The following SLC24A2 variants were observed in gnomAD, a reference collection of about 807,000 sequenced individuals.
SLC24A2 encodes sodium/potassium/calcium exchanger 2.
Under a neutral mutation model 62.0 loss-of-function variants are expected in SLC24A2, and 36 were observed. The observed-to-expected ratio is 0.58, with a 90% CI of 0.44 to 0.77. SLC24A2 has a LOEUF of 0.77. Ranked by LOEUF, SLC24A2 falls within the 30% of genes least tolerant of loss-of-function variation. The pLI is 0.00. For synonymous variants in SLC24A2, 358 were observed against 294.0 expected, an observed-to-expected ratio of 1.22 and a Z score of -2.23; for missense variants, 846 against 817.9, an observed-to-expected ratio of 1.03 and a Z score of -0.42.
chr9:20,192,139 G>C, the SLC24A2 span, among the ~76,000 whole-genome samples: 2 of 152,288 alleles, frequency 1.3e-5, no homozygotes, highest in Non-Finnish European at 2.9e-5. Context: ...AGCAGGATTA[G>C]GTGGTTGAAG....
chr9:19,631,115 G>T (rs1013903637), intron 2 of SLC24A2, among the ~76,000 whole-genome samples: 1 of 152,154 alleles, frequency 6.6e-6, no homozygotes, highest in Non-Finnish European at 1.5e-5. Flanking sequence ...CAGAGACCAT[G>T]TCTATTTCAT....
chr9:19,987,227 G>A, the SLC24A2 span, among the ~76,000 whole-genome samples: 6 of 151,996 alleles, frequency 3.9e-5, no homozygotes, highest in African/African-American at 1.4e-4. Flanking sequence ...GGAGGTGTGC[G>A]GGTAGAGAGG....
At chr9:19,703,039 A>T (rs902861959) in intron 2 of SLC24A2, among the ~76,000 whole-genome samples, 1 of 152,292 alleles carries the variant, frequency 6.6e-6, no homozygotes, top group African/African-American at 2.4e-5. Context: ...TTGTTGGGTA[A>T]AAGTTCCTGA....
intron 7 of SLC24A2, among the ~76,000 whole-genome samples, chr9:19,567,564 A>AAT (rs1835706791): frequency 7.5e-5 from 1 of 13,372 alleles, no homozygotes. Context: ...AAAAAAAAAA[A>AAT]GGTAAGGAAT....
At chr9:19,767,635 C>CTGTCT (rs1822559668) in intron 2 of SLC24A2, among the ~76,000 whole-genome samples, 1 of 152,186 alleles carries the variant, frequency 6.6e-6, no homozygotes, top group African/African-American at 2.4e-5. Flanking sequence ...GCTGCATGCA[C>CTGTCT]TGTCTAACCA....
At chr9:20,020,512 G>A in the SLC24A2 span, among the ~76,000 whole-genome samples, 3 of 152,108 alleles carry the variant, frequency 2.0e-5, no homozygotes, top group Admixed American at 6.5e-5. Context: ...ATAAGTGGGA[G>A]TGGAACAATG....
intron 2 of SLC24A2, among the ~76,000 whole-genome samples, chr9:19,679,290 C>G (rs1282142590): frequency 6.6e-6 from 1 of 152,132 alleles, no homozygotes; most frequent in African/African-American, 2.4e-5. Context: ...CTATTACTTC[C>G]TTGCTCTTCT....
At chr9:20,102,846 C>G in the SLC24A2 span, among the ~76,000 whole-genome samples, 7 of 152,116 alleles carry the variant, frequency 4.6e-5, no homozygotes, top group South Asian at 6.2e-4. Context: ...ACAGTGGGCG[C>G]AGGACAGTAG....
At chr9:20,274,389 A>T in the SLC24A2 span, among the ~76,000 whole-genome samples, 3 of 152,190 alleles carry the variant, frequency 2.0e-5, no homozygotes, top group Admixed American at 2.0e-4. Flanking sequence ...CTCTAATTCT[A>T]AATAAGATAA....
chr9:20,018,206 T>G, the SLC24A2 span, among the ~76,000 whole-genome samples: 2 of 152,148 alleles, frequency 1.3e-5, no homozygotes, highest in Non-Finnish European at 2.9e-5. Flanking sequence ...CTCGGCCTCC[T>G]AAAGTGCTGG....
the SLC24A2 span, among the ~76,000 whole-genome samples, chr9:20,167,052 C>G: frequency 6.6e-6 from 1 of 151,856 alleles, no homozygotes; most frequent in Non-Finnish European, 1.5e-5. Flanking sequence ...TAGGCCCAAG[C>G]AATCTATACA....
At chr9:20,159,482 T>C in the SLC24A2 span, among the ~76,000 whole-genome samples, 3 of 151,586 alleles carry the variant, frequency 2.0e-5, no homozygotes, top group Non-Finnish European at 4.4e-5. Context: ...AATATATAAG[T>C]AGAAATTTAT....
intron 2 of SLC24A2, among the ~76,000 whole-genome samples, chr9:19,783,745 T>C (rs897071680): frequency 3.3e-5 from 5 of 152,240 alleles, no homozygotes; most frequent in African/African-American, 1.2e-4. Context: ...CACATCCTTA[T>C]GCACGTTCCA....
the SLC24A2 span, among the ~76,000 whole-genome samples, chr9:20,242,770 T>A: frequency 2.0e-5 from 3 of 152,226 alleles, no homozygotes; most frequent in Non-Finnish European, 4.4e-5. Flanking sequence ...CATTGCTCCA[T>A]TAATGGCTTT....
At chr9:20,059,187 T>C in the SLC24A2 span, among the ~76,000 whole-genome samples, 3 of 152,186 alleles carry the variant, frequency 2.0e-5, no homozygotes, top group Non-Finnish European at 4.4e-5. Flanking sequence ...TCCTGGATTA[T>C]CCAGCTTGGC....
chr9:19,685,482 G>T (rs1819853518), intron 2 of SLC24A2, among the ~76,000 whole-genome samples: 1 of 152,056 alleles, frequency 6.6e-6, no homozygotes, highest in Non-Finnish European at 1.5e-5. Flanking sequence ...AACAAAGCTG[G>T]AGGCATCATG....
chr9:19,917,896 G>A, the SLC24A2 span, among the ~76,000 whole-genome samples: 1 of 152,044 alleles, frequency 6.6e-6, no homozygotes, highest in Non-Finnish European at 1.5e-5. Context: ...ATATAAGTGT[G>A]GACAAAGGGA....
At chr9:19,542,014 C>T (rs1278022078) in intron 8 of SLC24A2, among the ~76,000 whole-genome samples, 1 of 152,224 alleles carries the variant, frequency 6.6e-6, no homozygotes, top group South Asian at 2.1e-4. Context: ...AAAGGGAACT[C>T]CCTGACCCTT....
the SLC24A2 span, among the ~76,000 whole-genome samples, chr9:20,264,973 C>G: frequency 2.6e-5 from 4 of 152,214 alleles, no homozygotes; most frequent in African/African-American, 4.8e-5. Context: ...AGAGGCCTAT[C>G]TAGGATTCAC....
Sources: gnomAD v4.1 joint callset for allele counts (sites outside exome capture counted in the v4.1 genomes callset) on GRCh38, gnomAD v4.1.1 for gene constraint, MANE v1.5 for transcripts, NCBI Gene and HGNC (gene_info 2026-07-23, HGNC 2026-07-21) for gene names.